The following TNKS1BP1 variants were observed in gnomAD, a reference collection of about 807,000 sequenced individuals.
TNKS1BP1 encodes CCR4-NOT transcription complex subunit 12.
In TNKS1BP1, 48 loss-of-function variants were observed where a neutral mutation model predicts 141.1. The observed-to-expected ratio is 0.34, with a 90% CI of 0.27 to 0.43. The LOEUF (loss-of-function observed/expected upper bound fraction) is 0.43, where lower values mean the gene tolerates loss of function less well. Ranked by LOEUF, TNKS1BP1 falls within the 20% of genes least tolerant of loss-of-function variation. The pLI is 1.00. For synonymous variants in TNKS1BP1, 875 were observed against 898.2 expected (o/e 0.97, Z 0.46); for missense variants, 2,149 against 2,226.0 (o/e 0.97, Z 0.70).
intron 3 of TNKS1BP1, 48 bp from the exon 4 acceptor site, chr11:57,317,935 GTCACAGAATGGAAAA>G (rs1202123259): frequency 1.3e-6 from 2 of 1,570,078 alleles, no homozygotes; most frequent in African/African-American, 2.7e-5. Context: ...GTTAGAGTCT[GTCACAGAATGGAAAA>G]TGTGGGAGAG....
chr11:57,302,800 G>T lies in TNKS1BP1; in HGVS notation c.4342C>A (p.Pro1448Thr). The part of the protein sequence containing the change: ...ASPGRCPARP[P>T]PSGSQGLLEE... ...AGCAGGCCCTGGGAGCCGGAGGGTG[G>T]GGGGCGGGCCGGGCACCTGCCAGGG... Residue 1448 changes from proline to threonine, a missense_variant, in exon 7 of 12, where the codon CCA becomes ACA. Coordinates refer to ENST00000358252, the MANE Select transcript of TNKS1BP1 (RefSeq NM_033396.3). The surrounding 1 kb of genome is among the most constrained non-coding windows in gnomAD (Gnocchi z 5.5). The T allele has an allele frequency of 6.5e-7, 1 of 1,546,738 alleles. No individual in the cohort carries two copies. The highest frequency in any genetic ancestry group is 2.3e-5 in the East Asian group (1 of 43,574).
intron 2 of TNKS1BP1, among the ~76,000 whole-genome samples, chr11:57,321,097 C>G (rs1590597059): frequency 2.6e-5 from 4 of 152,176 alleles, no homozygotes; most frequent in Admixed American, 6.5e-5. Context: ...GTCAGCCCCC[C>G]CATATTCCCA....
chr11:57,303,683 G>A (rs1855564922), intron 6 of TNKS1BP1, among the ~76,000 whole-genome samples: 1 of 152,202 alleles, frequency 6.6e-6, no homozygotes, highest in South Asian at 2.1e-4. Context: ...TGTTTGCCAA[G>A]CAAATGAGGG....
chr11:57,311,932 G>A (rs1207161315), intron 5 of TNKS1BP1, among the ~76,000 whole-genome samples: 1 of 152,210 alleles, frequency 6.6e-6, no homozygotes, highest in East Asian at 1.9e-4. Context: ...GATGAGCCAG[G>A]CACTATTCTT....
rs946861769 is a variant in TNKS1BP1 at position 57,309,379 on chromosome 11, C to T, written c.3332G>A (p.Arg1111Gln). The part of the protein sequence containing the change: ...AFSPGQQDWS[R>Q]DFCIEASERS... ...CTCACTGGCCTCGATGCAGAAGTCC[C>T]GGCTCCAGTCCTGCTGCCCTGGGCT... The change falls in exon 6 of 12, where the codon CGG (arginine) becomes CAG (glutamine). Residue 1111 changes from arginine to glutamine, a missense_variant. Transcript: ENST00000358252. This position sits in a 1 kb window ranked among gnomAD's most constrained non-coding sequence, Gnocchi z 4.3. 6 of 1,614,036 alleles carry T rather than the reference C, an allele frequency of 3.7e-6. No homozygotes were observed. The highest frequency in any genetic ancestry group is 2.7e-5 in the African/African-American group (2 of 74,948).
intron 11 of TNKS1BP1, 104 bp downstream of exon 11, chr11:57,300,424 A>C: frequency 9.6e-7 from 1 of 1,046,732 alleles, no homozygotes; most frequent in Non-Finnish European, 1.4e-6. Context: ...CTAAACTTGC[A>C]CAGAAAGGGG....
chr11:57,308,795 C>T lies in TNKS1BP1; in HGVS notation c.3916G>A (p.Val1306Met), dbSNP rs1466974206. Reference protein sequence around the residue: ...CSPGESKELGVGQMDWGNNLG... With the variant: ...CSPGESKELGMGQMDWGNNLG... ...TTGTTACCCCAGTCCATCTGGCCCA[C>T]CCCAAGCTCTTTGGACTCTCCAGGA... Residue 1306 changes from valine to methionine, a missense_variant, in exon 6 of 12, where the codon GTG (valine) becomes ATG (methionine). Transcript: ENST00000358252. 1.2e-6 allele frequency: 2 copies of T among 1,614,140 alleles called. No individual in the cohort carries two copies. Among genetic ancestry groups the T allele is most frequent in the Non-Finnish European group, 1.7e-6 (2 of 1,180,022 alleles).
At chr11:57,321,975 G>GA (rs1590597968) in intron 1 of TNKS1BP1, 25 bp from the exon 2 acceptor site, 6 of 1,498,256 alleles carry the variant, frequency 4.0e-6, no homozygotes, top group African/African-American at 1.4e-5. Context: ...AGAAGAGAAG[G>GA]AAAAAAAGAG....
Position 57,309,763 on chromosome 11 carries a change from C to T in TNKS1BP1, c.2948G>A (p.Ser983Asn). The T allele has an allele frequency of 1.2e-6, 2 of 1,614,220 alleles. No individual in the cohort carries two copies. Among genetic ancestry groups the T allele is most frequent in the Non-Finnish European group, 1.7e-6 (2 of 1,180,050 alleles). Residue 983 changes from serine to asparagine, a missense_variant, in exon 6 of 12, where the codon AGC becomes AAC. By Grantham distance (46) the Ser-to-Asn change is conservative (BLOSUM62 1). Coordinates refer to ENST00000358252, the MANE Select transcript of TNKS1BP1 (RefSeq NM_033396.3). The surrounding 1 kb of genome is among the most constrained non-coding windows in gnomAD (Gnocchi z 4.3). ...GGCTTCCTCGGGGCTGAACCCAGAGCTCAGGGGTCTCGTTCCAAAGCTTCT... is the reference window on the plus strand; with the variant it reads ...GGCTTCCTCGGGGCTGAACCCAGAGTTCAGGGGTCTCGTTCCAAAGCTTCT... ...QDRSFGTRPL[S>N]SGFSPEEAQQ...
At position 57,301,960 on chromosome 11, in the gene TNKS1BP1, A is replaced by C. The variant is rs768387171; in HGVS notation, c.4835-17T>G. The C allele has an allele frequency of 1.2e-6, 2 of 1,612,274 alleles. No homozygotes were observed. The highest frequency in any genetic ancestry group is 2.7e-5 in the African/African-American group (2 of 74,988). ...CCCGTGGCTCTGCAAAGGCCCGGGA[A>C]AGGGGCTCAGAAAAGGCAGCACACC... On this transcript the variant is annotated splice_polypyrimidine_tract_variant and intron_variant, in intron 8 of 11. Transcript: ENST00000358252.
At chr11:57,317,628 C>G (rs1299245468) in intron 4 of TNKS1BP1, among the ~76,000 whole-genome samples, 190 bp downstream of exon 4, 1 of 152,248 alleles carries the variant, frequency 6.6e-6, no homozygotes, top group Non-Finnish European at 1.5e-5. Flanking sequence ...TTAACCACAC[C>G]TAGCCACTTT....
At chr11:57,312,296 T>C (rs1428513854) in intron 5 of TNKS1BP1, among the ~76,000 whole-genome samples, 1 of 152,158 alleles carries the variant, frequency 6.6e-6, no homozygotes, top group Non-Finnish European at 1.5e-5. Flanking sequence ...TTAAGGTACG[T>C]TCTTCCCAAG....
chr11:57,324,846 G>T lies in TNKS1BP1; in HGVS notation c.-72C>A. 1 of 984,126 alleles carries T rather than the reference G, an allele frequency of 1.0e-6. No individual in the cohort carries two copies. The highest frequency in any genetic ancestry group is 1.2e-6 in the Non-Finnish European group (1 of 829,638). The allele number at this position is 984,126 out of a possible 1,614,324, so 61.0% of individuals were successfully genotyped here. ...ACCGCCCCCGCGCACTCACGCGCTC[G>T]CCCGGGGTCCGGCTCCGCTCGGCTC... On this transcript the variant is annotated 5_prime_UTR_variant, in exon 1 of 12. Coordinates refer to ENST00000358252, the MANE Select transcript of TNKS1BP1 (RefSeq NM_033396.3).
chr11:57,310,629 A>G, intron 5 of TNKS1BP1, 73 bp from the exon 6 acceptor site: 1 of 1,528,632 alleles, frequency 6.5e-7, no homozygotes, highest in Non-Finnish European at 8.7e-7. Flanking sequence ...AATCCAGCAG[A>G]GTCAGCGCTG....
In TNKS1BP1 at chr11:57,320,633, G is replaced by A; in HGVS notation, c.174C>T (p.Ser58=). 1 of 1,613,238 alleles carries A rather than the reference G, an allele frequency of 6.2e-7. No homozygotes were observed. The highest frequency in any genetic ancestry group is 8.5e-7 in the Non-Finnish European group (1 of 1,179,850). The change falls in exon 3 of 12, where the codon AGC becomes AGT. Residue 58 remains serine, a synonymous_variant. Transcript: ENST00000358252. Reference sequence around the variant, plus strand: ...GCCGAGGCCCAACAGGCACCAGCAGGCTGGGTTTGGCAGGCAGGGCTGGCT... The same window carrying A: ...GCCGAGGCCCAACAGGCACCAGCAGACTGGGTTTGGCAGGCAGGGCTGGCT... ...PAKPALPAKP[S]LLVPVGPRPP...
In TNKS1BP1 at chr11:57,308,297, C is replaced by G. The variant is rs1380496115; in HGVS notation, c.4316+98G>C. On this transcript the variant is annotated intron_variant, in intron 6 of 11. Transcript: ENST00000358252. ...CAATTACCCAAACACTAAAAGTCCT[C>G]AGGAAAAACTGTTTCTTCCCTCCTC... 3.4e-6 allele frequency: 5 copies of G among 1,487,802 alleles called. No individual in the cohort carries two copies. The East Asian group carries it at 1.1e-4, about 34-fold the overall frequency. 92.2% of individuals were successfully genotyped at this position (1,487,802 alleles called of 1,614,324 possible).
intron 4 of TNKS1BP1, 94 bp downstream of exon 4, chr11:57,317,724 C>A (rs1344209588): frequency 1.9e-5 from 25 of 1,315,172 alleles, no homozygotes; most frequent in Non-Finnish European, 2.5e-5. Context: ...CTCAGTTTCC[C>A]CATCTGAACT....
chr11:57,306,413 T>C (rs1855611418), intron 6 of TNKS1BP1, among the ~76,000 whole-genome samples: 1 of 152,166 alleles, frequency 6.6e-6, no homozygotes, highest in Non-Finnish European at 1.5e-5. Flanking sequence ...GTCTTTAAGG[T>C]ACTAATATAT....
chr11:57,302,794 A>C lies in TNKS1BP1; in HGVS notation c.4348T>G (p.Ser1450Ala). The change falls in exon 7 of 12, where the codon TCC becomes GCC. Residue 1450 changes from serine to alanine, a missense_variant. By Grantham distance (99) the Ser-to-Ala change is moderately conservative. Coordinates refer to ENST00000358252, the MANE Select transcript of TNKS1BP1 (RefSeq NM_033396.3). This position sits in a 1 kb window ranked among gnomAD's most constrained non-coding sequence, Gnocchi z 5.5. ...PGRCPARPPP[S>A]GSQGLLEEML... Reference sequence around the variant, plus strand: ...TCCTCCAGCAGGCCCTGGGAGCCGGAGGGTGGGGGGCGGGCCGGGCACCTG... The same window carrying C: ...TCCTCCAGCAGGCCCTGGGAGCCGGCGGGTGGGGGGCGGGCCGGGCACCTG... 6.5e-7 allele frequency: 1 copy of C among 1,549,840 alleles called. No homozygotes were observed. Among genetic ancestry groups the C allele is most frequent in the East Asian group, 2.3e-5 (1 of 43,490 alleles).
Sources: gnomAD v4.1 joint callset for allele counts (sites outside exome capture counted in the v4.1 genomes callset) on GRCh38, gnomAD v4.1.1 for gene constraint, Gnocchi (gnomAD v3.1) non-coding constraint, MANE v1.5 for transcripts, NCBI Gene and HGNC (gene_info 2026-07-23, HGNC 2026-07-21) for gene names.